ZNF341: variants seen among roughly 807,000 people sequenced by gnomAD.
The protein encoded by ZNF341 is zinc finger protein 341.
Under a neutral mutation model 87.7 loss-of-function variants are expected in ZNF341, and 52 were observed. The observed-to-expected ratio is 0.59, with a 90% CI of 0.47 to 0.75. The LOEUF is 0.75. Ranked by LOEUF, ZNF341 falls within the 30% of genes least tolerant of loss-of-function variation. The pLI, the probability that ZNF341 is intolerant of heterozygous loss-of-function variation, is 0.00. For missense variants in ZNF341, 977 were observed against 1,145.9 expected, an observed-to-expected ratio of 0.85 and a Z score of 2.13; for synonymous variants, 459 against 472.7, an observed-to-expected ratio of 0.97 and a Z score of 0.38.
intron 8 of ZNF341, among the ~76,000 whole-genome samples, chr20:33,762,586 T>A (rs769292426): frequency 2.0e-5 from 3 of 151,810 alleles, no homozygotes; most frequent in Non-Finnish European, 4.4e-5. Context: ...GTTACATAGG[T>A]ATACGTGTGC....
rs34436965 is a variant in ZNF341, at chr20:33,739,843, G to C, written c.32-1059G>C. On this transcript the variant is annotated intron_variant, in intron 1 of 14. Coordinates refer to ENST00000375200, the MANE Select transcript of ZNF341 (RefSeq NM_001282933.2). ...ATAGGAAGATGGCTGTGTTCTACAA[G>C]GTTCTCAGAGGCCCAGGATTTATCC... Among the ~76,000 whole-genome samples, 555 of 152,232 alleles carry C rather than the reference G, an allele frequency of 3.6e-3. 5 individuals carry two copies. Among genetic ancestry groups the C allele is most frequent in the Non-Finnish European group, 3.3e-3 (225 of 68,006 alleles).
chr20:33,768,415 G>A (rs1409074907), intron 9 of ZNF341, among the ~76,000 whole-genome samples: 1 of 150,910 alleles, frequency 6.6e-6, no homozygotes, highest in South Asian at 2.1e-4. Flanking sequence ...GAGCCACCGC[G>A]CCCAGCCCGT....
intron 10 of ZNF341, among the ~76,000 whole-genome samples, chr20:33,779,448 CT>C (rs34100674): frequency 0.19 from 24,771 of 128,990 alleles, 1,765 homozygotes; most frequent in Admixed American, 0.25. Context: ...GACAATCTCC[CT>C]TTTTTTTTTT....
At chr20:33,769,405 G>A (rs1184601594) in intron 9 of ZNF341, among the ~76,000 whole-genome samples, 1 of 151,284 alleles carries the variant, frequency 6.6e-6, no homozygotes, top group East Asian at 1.9e-4. Context: ...GGGGTGGCGG[G>A]GGCACAGCCC....
intron 5 of ZNF341, among the ~76,000 whole-genome samples, chr20:33,756,668 A>G (rs529499436): frequency 1.3e-5 from 2 of 152,208 alleles, no homozygotes; most frequent in South Asian, 4.1e-4. Flanking sequence ...AGGCTCAGCC[A>G]CCTAGTTCTC....
chr20:33,782,887 G>A (rs934762161), intron 11 of ZNF341, among the ~76,000 whole-genome samples: 17 of 152,312 alleles, frequency 1.1e-4, no homozygotes, highest in African/African-American at 4.1e-4. Context: ...TGGGTGTGGT[G>A]GTGGGCGCCT....
chr20:33,766,765 A>G, intron 8 of ZNF341, 86 bp from the exon 9 acceptor site: 4 of 1,435,498 alleles, frequency 2.8e-6, no homozygotes, highest in Non-Finnish European at 3.8e-6. Context: ...TGCCGGGTGA[A>G]CACAGAGGAG....
intron 1 of ZNF341, among the ~76,000 whole-genome samples, chr20:33,737,762 G>A (rs1320715092): frequency 6.6e-6 from 1 of 152,116 alleles, no homozygotes; most frequent in Non-Finnish European, 1.5e-5. Context: ...GGACTCATTG[G>A]CGAGTCTACG....
intron 9 of ZNF341, among the ~76,000 whole-genome samples, chr20:33,769,867 T>C (rs1227318717): frequency 6.6e-6 from 1 of 152,154 alleles, no homozygotes; most frequent in Admixed American, 6.5e-5. Context: ...GCCGAGATTG[T>C]ACCACTGCAC....
Position 33,739,263 on chromosome 20 carries a change from C to T in ZNF341, c.32-1639C>T, listed in dbSNP as rs142372231. ...AATTACAGGCGTGAGCCACCATGCCCGGCCAGAGATAACTGGTCTGATGGT... is the reference window on the plus strand; with the variant it reads ...AATTACAGGCGTGAGCCACCATGCCTGGCCAGAGATAACTGGTCTGATGGT... On this transcript the variant is annotated intron_variant, in intron 1 of 14. Transcript: ENST00000375200. Among the ~76,000 whole-genome samples, 291 of 152,286 alleles carry T rather than the reference C, an allele frequency of 1.9e-3. 1 individual carries two copies. The highest frequency in any genetic ancestry group is 3.4e-3 in the Non-Finnish European group (230 of 68,024).
chr20:33,754,669 C>T (rs529891056), intron 5 of ZNF341, among the ~76,000 whole-genome samples: 19 of 152,264 alleles, frequency 1.2e-4, no homozygotes, highest in Middle Eastern at 3.4e-3. Flanking sequence ...CCAGAGAGGA[C>T]CAGCACAGAA....
intron 8 of ZNF341, among the ~76,000 whole-genome samples, chr20:33,765,168 C>T (rs2019379603): frequency 6.6e-6 from 1 of 151,990 alleles, no homozygotes; most frequent in African/African-American, 2.4e-5. Flanking sequence ...GGCTCAGGAC[C>T]ACTTTATTGG....
intron 7 of ZNF341, among the ~76,000 whole-genome samples, chr20:33,760,489 T>C (rs1344728659): frequency 6.6e-6 from 1 of 152,206 alleles, no homozygotes; most frequent in Admixed American, 6.6e-5. Context: ...ACTTGGAATG[T>C]GGCTAGTGAG....
chr20:33,740,524 G>C (rs1273615151), intron 1 of ZNF341, among the ~76,000 whole-genome samples: 1 of 152,110 alleles, frequency 6.6e-6, no homozygotes, highest in Non-Finnish European at 1.5e-5. Context: ...CTTGAGACAG[G>C]GTCTTGCTCT....
intron 5 of ZNF341, among the ~76,000 whole-genome samples, chr20:33,754,388 G>A (rs970891944): frequency 6.6e-6 from 1 of 152,142 alleles, no homozygotes; most frequent in Non-Finnish European, 1.5e-5. Flanking sequence ...CAACCCACCT[G>A]CACTAGAAAT....
At chr20:33,742,016 C>T (rs1295404823) in intron 2 of ZNF341, among the ~76,000 whole-genome samples, 2 of 152,262 alleles carry the variant, frequency 1.3e-5, no homozygotes, top group South Asian at 2.1e-4. Flanking sequence ...TTCTGTGTTA[C>T]GCGAAGTCCT....
chr20:33,732,175 A>C lies in ZNF341; in HGVS notation c.31+123A>C. ...GGGCGGAGGGCGCCGGGGCTGGAAC[A>C]GCCGCGGGGCGGGAGGGGCGCGGGC... On this transcript the variant is annotated intron_variant, in intron 1 of 14. Transcript: ENST00000375200. The surrounding 1 kb of genome is among the most constrained non-coding windows in gnomAD (Gnocchi z 4.5). 9.1e-5 allele frequency: 62 copies of C among 678,758 alleles called. No individual in the cohort carries two copies. The highest frequency in any genetic ancestry group is 7.5e-4 in the Middle Eastern group (1 of 1,330). 42.0% of individuals were successfully genotyped at this position (678,758 alleles called of 1,614,324 possible). A position where few individuals can be genotyped will look rare whatever the true frequency, so the allele number is the denominator to read the frequency against.
chr20:33,764,497 ATG>A (rs1209350704), intron 8 of ZNF341, among the ~76,000 whole-genome samples: 6 of 139,456 alleles, frequency 4.3e-5, no homozygotes, highest in African/African-American at 5.3e-5. Context: ...GTATATATAT[ATG>A]TGTGTGTATA....
chr20:33,767,346 GCT>G (rs1160752406), intron 9 of ZNF341, among the ~76,000 whole-genome samples: 1 of 151,066 alleles, frequency 6.6e-6, no homozygotes, highest in Non-Finnish European at 1.5e-5. Context: ...TCTCCTGATG[GCT>G]CACCTTGTAC....
Sources: gnomAD v4.1 joint callset for allele counts (sites outside exome capture counted in the v4.1 genomes callset) on GRCh38, gnomAD v4.1.1 for gene constraint, Gnocchi (gnomAD v3.1) non-coding constraint, MANE v1.5 for transcripts, NCBI Gene and HGNC (gene_info 2026-07-23, HGNC 2026-07-21) for gene names.